PLA2G4A: variants seen among roughly 807,000 people sequenced by gnomAD.
PLA2G4A encodes the protein cytosolic phospholipase A2.
PLA2G4A carries 40 observed loss-of-function variants against 81.9 expected under a neutral mutation model. The ratio of observed to expected loss-of-function variants is 0.49; its 90% CI spans 0.38 to 0.64. PLA2G4A has a LOEUF of 0.64. Among genes scored for constraint, PLA2G4A ranks in the 30% least tolerant of loss-of-function variants. The pLI is 0.00. For synonymous variants in PLA2G4A, 302 were observed against 296.9 expected, an observed-to-expected ratio of 1.02 and a Z score of -0.18; for missense variants, 715 against 905.1, an observed-to-expected ratio of 0.79 and a Z score of 2.69.
chr1:186,862,322 C>A (rs1022545696), intron 2 of PLA2G4A, among the ~76,000 whole-genome samples: 3 of 148,562 alleles, frequency 2.0e-5, no homozygotes, highest in African/African-American at 7.5e-5. Flanking sequence ...TCAAGCGATT[C>A]TCTTGCCTCA....
In PLA2G4A at chr1:186,844,271, CT is replaced by C. The variant is rs773743560; in HGVS notation, c.-69-10012del. Among the ~76,000 whole-genome samples, 23 of 152,090 alleles carry C rather than the reference CT, an allele frequency of 1.5e-4. 1 individual carries two copies. Among genetic ancestry groups the C allele is most frequent in the Non-Finnish European group, 2.9e-5 (2 of 68,012 alleles). ...CTGAATTCCTATTGTTTCTTTATTC[CT>C]TTGTGCCGGTTGGCAATATCAAACT... On this transcript the variant is annotated intron_variant, in intron 1 of 17. Coordinates refer to ENST00000367466, the MANE Select transcript of PLA2G4A (RefSeq NM_024420.3).
At chr1:186,980,242 C>A (rs1657678422) in intron 17 of PLA2G4A, among the ~76,000 whole-genome samples, 1 of 152,110 alleles carries the variant, frequency 6.6e-6, no homozygotes, top group Non-Finnish European at 1.5e-5. Flanking sequence ...CCCGGCCAGC[C>A]TTTCCAATTT....
chr1:186,876,356 C>G (rs915956248), intron 3 of PLA2G4A, among the ~76,000 whole-genome samples: 1 of 151,920 alleles, frequency 6.6e-6, no homozygotes, highest in Non-Finnish European at 1.5e-5. Context: ...AACACATCAC[C>G]GTGTAAGGGT....
chr1:186,985,523 TTC>T (rs2102307791), intron 17 of PLA2G4A, among the ~76,000 whole-genome samples: 1 of 152,284 alleles, frequency 6.6e-6, no homozygotes, highest in Admixed American at 6.5e-5. Flanking sequence ...ATACTTAACT[TTC>T]TCTCTTGGGC....
At chr1:186,955,898 T>TG (rs1243172207) in intron 13 of PLA2G4A, among the ~76,000 whole-genome samples, 4 of 26,440 alleles carry the variant, frequency 1.5e-4, no homozygotes, top group African/African-American at 3.2e-4. Context: ...CATGACCAGC[T>TG]AATTTTTTTT....
At chr1:186,881,906 T>TGTGAG (rs1392400109) in intron 3 of PLA2G4A, among the ~76,000 whole-genome samples, 2 of 152,064 alleles carry the variant, frequency 1.3e-5, no homozygotes, top group Non-Finnish European at 2.9e-5. Flanking sequence ...TCAGACTTCA[T>TGTGAG]GTGAGACTCT....
rs530825894 is a variant in PLA2G4A, at chr1:186,829,837, A to G, written c.-70+802A>G. On this transcript the variant is annotated intron_variant, in intron 1 of 17. Transcript: ENST00000367466. ...TAAAAATAAATTCACCTCCAAAACC[A>G]GAACAAGAAATACTCCTCATATGGG... Among the ~76,000 whole-genome samples, 4 of 152,378 alleles carry G rather than the reference A, an allele frequency of 2.6e-5. No homozygotes were observed. In the East Asian group the frequency reaches 7.7e-4, roughly 29 times the overall value.
chr1:186,862,740 A>G lies in PLA2G4A; in HGVS notation c.34-7695A>G, dbSNP rs560351626. 3.3e-5 allele frequency among the ~76,000 whole-genome samples: 5 copies of G among 152,296 alleles called. No individual in the cohort carries two copies. The East Asian group carries it at 9.7e-4, about 29-fold the overall frequency. Reference sequence around the variant, plus strand: ...TCATCTAGGGCAGTAATTCTAAACCAAATAAATATGACTTCCCCAAAGCGC... The same window carrying G: ...TCATCTAGGGCAGTAATTCTAAACCGAATAAATATGACTTCCCCAAAGCGC... On this transcript the variant is annotated intron_variant, in intron 2 of 17. Coordinates refer to ENST00000367466, the MANE Select transcript of PLA2G4A (RefSeq NM_024420.3).
chr1:186,850,810 T>C (rs187660067), intron 1 of PLA2G4A, among the ~76,000 whole-genome samples: 10 of 152,100 alleles, frequency 6.6e-5, no homozygotes, highest in South Asian at 2.1e-4. Context: ...TACACCTGTC[T>C]GATTCACCAT....
chr1:186,916,275 G>T (rs1287592315), intron 7 of PLA2G4A, among the ~76,000 whole-genome samples: 1 of 152,110 alleles, frequency 6.6e-6, no homozygotes, highest in Non-Finnish European at 1.5e-5. Flanking sequence ...TAAGGGGATT[G>T]GTTATCACTA....
chr1:186,830,254 C>G (rs761368634), intron 1 of PLA2G4A, among the ~76,000 whole-genome samples: 1 of 152,076 alleles, frequency 6.6e-6, no homozygotes, highest in African/African-American at 2.4e-5. Flanking sequence ...ACAAACTTCC[C>G]TTAGGGGAAG....
At chr1:186,903,070 A>G (rs527604138) in intron 5 of PLA2G4A, among the ~76,000 whole-genome samples, 10 of 152,292 alleles carry the variant, frequency 6.6e-5, no homozygotes, top group Admixed American at 2.6e-4. Flanking sequence ...ATTGAGGTAC[A>G]ATGTACGGAA....
chr1:186,911,465 C>T, intron 7 of PLA2G4A, 76 bp downstream of exon 7: 1 of 1,041,498 alleles, frequency 9.6e-7, no homozygotes, highest in Non-Finnish European at 1.5e-6. Flanking sequence ...ATAATTTTAC[C>T]CAAATATGGC....
chr1:186,910,230 A>T (rs1248562924), intron 6 of PLA2G4A, among the ~76,000 whole-genome samples: 1 of 152,132 alleles, frequency 6.6e-6, no homozygotes, highest in Admixed American at 6.5e-5. Flanking sequence ...ACAAGGAAAA[A>T]ATATACTGAA....
chr1:186,954,592 A>G (rs1291950150), intron 13 of PLA2G4A, among the ~76,000 whole-genome samples: 1 of 152,070 alleles, frequency 6.6e-6, no homozygotes, highest in Non-Finnish European at 1.5e-5. Context: ...GTGTAATAAA[A>G]ATATATATTT....
At chr1:186,848,857 G>GTCTC (rs1032161899) in intron 1 of PLA2G4A, among the ~76,000 whole-genome samples, 8 of 152,066 alleles carry the variant, frequency 5.3e-5, no homozygotes, top group African/African-American at 1.9e-4. Flanking sequence ...TATCAGGAGA[G>GTCTC]TCTCTATCCA....
At chr1:186,834,512 A>T (rs1651709598) in intron 1 of PLA2G4A, among the ~76,000 whole-genome samples, 1 of 152,058 alleles carries the variant, frequency 6.6e-6, no homozygotes, top group Non-Finnish European at 1.5e-5. Context: ...TGGAGTTAAC[A>T]TCAGAAAAAT....
At chr1:186,883,062 TGTAAATATTGA>T (rs1653797771) in intron 3 of PLA2G4A, among the ~76,000 whole-genome samples, 1 of 152,102 alleles carries the variant, frequency 6.6e-6, no homozygotes, top group African/African-American at 2.4e-5. Flanking sequence ...AAGTTTGCTT[TGTAAATATTGA>T]GTTTGAGGTA....
At chr1:186,883,594 G>A (rs1044647353) in intron 3 of PLA2G4A, among the ~76,000 whole-genome samples, 3 of 152,134 alleles carry the variant, frequency 2.0e-5, no homozygotes, top group Non-Finnish European at 4.4e-5. Flanking sequence ...TCTAATAAGA[G>A]ATTTGTAAGG....
Sources: gnomAD v4.1 joint callset for allele counts (sites outside exome capture counted in the v4.1 genomes callset) on GRCh38, gnomAD v4.1.1 for gene constraint, MANE v1.5 for transcripts, NCBI Gene and HGNC (gene_info 2026-07-23, HGNC 2026-07-21) for gene names.